The following STAU2 variants were observed in gnomAD, a reference collection of about 807,000 sequenced individuals.
STAU2 encodes the protein staufen double-stranded RNA binding protein 2.
In STAU2, 20 loss-of-function variants were observed where a neutral mutation model predicts 65.9. The observed-to-expected ratio is 0.30, with a 90% CI of 0.21 to 0.44. The LOEUF (loss-of-function observed/expected upper bound fraction) is 0.44, where lower values mean the gene tolerates loss of function less well. Ranked by LOEUF, STAU2 falls within the 20% of genes least tolerant of loss-of-function variation. STAU2 has a pLI of 1.00. For missense variants in STAU2, 558 were observed against 683.9 expected (o/e 0.82, Z 2.05); for synonymous variants, 232 against 233.9 (o/e 0.99, Z 0.07).
At chr8:73,563,392 T>C (rs1269883996) in intron 12 of STAU2, among the ~76,000 whole-genome samples, 1 of 152,106 alleles carries the variant, frequency 6.6e-6, no homozygotes, top group Non-Finnish European at 1.5e-5. Flanking sequence ...CAAGGTCACC[T>C]CACTATGGTG....
chr8:73,692,004 G>A (rs761351407), intron 4 of STAU2, among the ~76,000 whole-genome samples: 13 of 152,198 alleles, frequency 8.5e-5, no homozygotes, highest in South Asian at 8.3e-4. Context: ...TATCCACCAC[G>A]GAGGAAAGAG....
chr8:73,699,951 C>A (rs1010443127), intron 4 of STAU2, among the ~76,000 whole-genome samples: 4 of 148,776 alleles, frequency 2.7e-5, no homozygotes, highest in Admixed American at 2.7e-4. Context: ...CCTAATCCAA[C>A]AATACATTTA....
At chr8:73,729,514 G>C (rs1198549735) in intron 3 of STAU2, among the ~76,000 whole-genome samples, 1 of 152,008 alleles carries the variant, frequency 6.6e-6, no homozygotes, top group African/African-American at 2.4e-5. Context: ...TAAATATTTG[G>C]TATTCTTCTT....
chr8:73,569,182 G>T (rs1199125876), intron 12 of STAU2, among the ~76,000 whole-genome samples: 1 of 152,064 alleles, frequency 6.6e-6, no homozygotes, highest in Non-Finnish European at 1.5e-5. Context: ...GGCTCAGAGG[G>T]TCCCATGCCT....
chr8:73,620,310 G>A (rs1813135623), intron 6 of STAU2, among the ~76,000 whole-genome samples: 1 of 152,074 alleles, frequency 6.6e-6, no homozygotes, highest in African/African-American at 2.4e-5. Context: ...TCACCATAGA[G>A]CAAATGTTTA....
At chr8:73,613,225 T>C (rs57456632) in intron 9 of STAU2, among the ~76,000 whole-genome samples, 4,435 of 152,232 alleles carry the variant, frequency 0.029, 188 homozygotes, top group African/African-American at 0.098. Context: ...TAGCTATCAT[T>C]GTTAGTATTA....
intron 6 of STAU2, among the ~76,000 whole-genome samples, chr8:73,658,114 A>C (rs1816521927): frequency 6.6e-6 from 1 of 152,166 alleles, no homozygotes; most frequent in African/African-American, 2.4e-5. Flanking sequence ...CTGTAATCCC[A>C]GCACTCTGAG....
At position 73,678,952 on chromosome 8, in the gene STAU2, A is replaced by T. The variant is rs116700009; in HGVS notation, c.275-5710T>A. 3.7e-3 allele frequency among the ~76,000 whole-genome samples: 560 copies of T among 152,314 alleles called. 4 individuals are homozygous for T. The highest frequency in any genetic ancestry group is 0.012 in the African/African-American group (513 of 41,560). On this transcript the variant is annotated intron_variant, in intron 5 of 14. Coordinates refer to ENST00000524300, the MANE Select transcript of STAU2 (RefSeq NM_001164380.2). Reference sequence around the variant, plus strand: ...CCACATGAGAATGAAACAAGTGTCTATGTGATTTGATTATGAATATAACCA... The same window carrying T: ...CCACATGAGAATGAAACAAGTGTCTTTGTGATTTGATTATGAATATAACCA...
intron 13 of STAU2, among the ~76,000 whole-genome samples, chr8:73,448,530 G>A (rs948224701): frequency 2.0e-5 from 3 of 152,168 alleles, no homozygotes; most frequent in Non-Finnish European, 2.9e-5. Flanking sequence ...CAATCAGCCC[G>A]CCTCGGCCTC....
At chr8:73,585,404 C>T (rs888178364) in intron 11 of STAU2, among the ~76,000 whole-genome samples, 1 of 152,168 alleles carries the variant, frequency 6.6e-6, no homozygotes, top group Non-Finnish European at 1.5e-5. Flanking sequence ...CGCTTGAACC[C>T]GGGAGGCGGA....
At chr8:73,485,492 C>T (rs1357392503) in intron 13 of STAU2, among the ~76,000 whole-genome samples, 1 of 151,840 alleles carries the variant, frequency 6.6e-6, no homozygotes, top group Admixed American at 6.6e-5. Context: ...GGGAGAGATC[C>T]GAACCTGCTA....
chr8:73,723,846 T>C (rs1170825370), intron 3 of STAU2, among the ~76,000 whole-genome samples: 1 of 152,258 alleles, frequency 6.6e-6, no homozygotes, highest in Non-Finnish European at 1.5e-5. Flanking sequence ...CTCATAATTA[T>C]GGGTCATATT....
chr8:73,683,843 C>T (rs1374417213), intron 5 of STAU2, among the ~76,000 whole-genome samples: 3 of 152,116 alleles, frequency 2.0e-5, no homozygotes, highest in African/African-American at 7.2e-5. Context: ...AAATCAAGAA[C>T]TCAAACCCTT....
chr8:73,452,674 T>C (rs1269369466), intron 13 of STAU2, among the ~76,000 whole-genome samples: 3 of 152,252 alleles, frequency 2.0e-5, no homozygotes, highest in African/African-American at 7.2e-5. Flanking sequence ...ACCACTTTTG[T>C]TTCCATCCTG....
intron 13 of STAU2, among the ~76,000 whole-genome samples, chr8:73,510,949 C>A (rs1822363396): frequency 6.6e-6 from 1 of 152,212 alleles, no homozygotes; most frequent in Non-Finnish European, 1.5e-5. Context: ...TAAGTAGAAT[C>A]ATCTCTGCCT....
At chr8:73,617,852 T>C (rs1022906325) in intron 6 of STAU2, among the ~76,000 whole-genome samples, 1 of 152,056 alleles carries the variant, frequency 6.6e-6, no homozygotes, top group East Asian at 1.9e-4. Flanking sequence ...CAGAAGATAA[T>C]TACGATTAGA....
chr8:73,577,750 A>G (rs1380125166), intron 12 of STAU2, among the ~76,000 whole-genome samples: 2 of 152,134 alleles, frequency 1.3e-5, no homozygotes, highest in Non-Finnish European at 2.9e-5. Context: ...TCATTTTTAA[A>G]TCCCTGACAA....
intron 7 of STAU2, among the ~76,000 whole-genome samples, 187 bp downstream of exon 7, chr8:73,617,105 A>G (rs927234768): frequency 1.3e-5 from 2 of 152,242 alleles, no homozygotes; most frequent in Non-Finnish European, 2.9e-5. Context: ...TGGGAAGTGA[A>G]CTCAAGGGAA....
chr8:73,675,368 T>TACACACAC (rs1427282407), intron 5 of STAU2: 1 of 74,642 alleles, frequency 1.3e-5, no homozygotes, highest in African/African-American at 5.3e-5. Flanking sequence ...GACATACATG[T>TACACACAC]ATACACACAC....
Sources: gnomAD v4.1 joint callset for allele counts (sites outside exome capture counted in the v4.1 genomes callset) on GRCh38, gnomAD v4.1.1 for gene constraint, MANE v1.5 for transcripts, NCBI Gene and HGNC (gene_info 2026-07-23, HGNC 2026-07-21) for gene names.